REEP3: variants seen among roughly 807,000 people sequenced by gnomAD.
REEP3 encodes the protein receptor expression-enhancing protein 3.
A neutral mutation model predicts 41.3 loss-of-function variants in REEP3; 20 were observed. The ratio of observed to expected loss-of-function variants is 0.48; its 90% CI spans 0.34 to 0.70. REEP3 has a LOEUF of 0.70. Ranked by LOEUF, REEP3 falls within the 30% of genes least tolerant of loss-of-function variation. The probability of loss-of-function intolerance (pLI) is 0.01; values close to 1 mark genes in which losing one functional copy is unlikely to be tolerated. For missense variants in REEP3, 271 were observed against 308.8 expected, an observed-to-expected ratio of 0.88 and a Z score of 0.92; for synonymous variants, 104 against 101.8, an observed-to-expected ratio of 1.02 and a Z score of -0.13.
intron 1 of REEP3, among the ~76,000 whole-genome samples, chr10:63,543,452 T>C (rs938851831): frequency 8.6e-6 from 1 of 116,162 alleles, no homozygotes; most frequent in Non-Finnish European, 1.7e-5. Flanking sequence ...TGCACCACCA[T>C]GCCCCATTAA....
chr10:63,622,884 T>C lies in REEP3; in HGVS notation c.*2015T>C, dbSNP rs2133441955. On this transcript the variant is annotated 3_prime_UTR_variant, in exon 8 of 8. Coordinates refer to ENST00000373758, the MANE Select transcript of REEP3 (RefSeq NM_001001330.3). ...ACCACGCCCAGCTAATTTTTGTCTT[T>C]TTAGTAGAGACAGGGTTTAACCATG... The C allele has an allele frequency of 6.6e-6, 1 of 151,938 alleles. No individual in the cohort carries two copies. The allele number at this position is 151,938 out of a possible 1,614,324, so 9.4% of individuals were successfully genotyped here.
intron 6 of REEP3, among the ~76,000 whole-genome samples, chr10:63,617,928 G>A (rs1248673031): frequency 4.1e-5 from 6 of 146,330 alleles, no homozygotes; most frequent in African/African-American, 1.3e-4. Flanking sequence ...GGGTTCAAGC[G>A]ATTCTCCTGC....
intron 2 of REEP3, among the ~76,000 whole-genome samples, chr10:63,577,138 C>T (rs1589873491): frequency 6.6e-6 from 1 of 152,154 alleles, no homozygotes; most frequent in East Asian, 1.9e-4. Flanking sequence ...AAGACTCTTC[C>T]ATTCTGAAAG....
At chr10:63,580,534 TAAAAA>T (rs543624918) in intron 2 of REEP3, among the ~76,000 whole-genome samples, 314 of 151,946 alleles carry the variant, frequency 2.1e-3, no homozygotes, top group South Asian at 4.6e-3. Flanking sequence ...GAGCAAAAAA[TAAAAA>T]CAAAATCAGG....
At chr10:63,576,624 CTG>C in intron 2 of REEP3, among the ~76,000 whole-genome samples, 1 of 152,290 alleles carries the variant, frequency 6.6e-6, no homozygotes, top group Middle Eastern at 3.4e-3. Flanking sequence ...GGGTTTAGGA[CTG>C]TGTGTTAGTC....
chr10:63,598,927 AC>A (rs1956145250), intron 4 of REEP3, among the ~76,000 whole-genome samples: 2 of 152,216 alleles, frequency 1.3e-5, no homozygotes, highest in South Asian at 4.1e-4. Context: ...CCCCGTCTCT[AC>A]AAAAAAATTA....
intron 1 of REEP3, chr10:63,562,944 A>C (rs939650564): frequency 3.3e-5 from 15 of 456,452 alleles, no homozygotes; most frequent in Non-Finnish European, 6.6e-5. Context: ...AGGTGTGATT[A>C]AGTTCAAGTA....
intron 4 of REEP3, among the ~76,000 whole-genome samples, chr10:63,598,370 G>T (rs540795956): frequency 7.8e-4 from 116 of 148,890 alleles, no homozygotes; most frequent in Middle Eastern, 6.9e-3. Context: ...TGTAACCCCG[G>T]TTAGTCAGGA....
chr10:63,530,036 C>T (rs541191773), intron 1 of REEP3, among the ~76,000 whole-genome samples: 2 of 152,154 alleles, frequency 1.3e-5, no homozygotes, highest in Non-Finnish European at 1.5e-5. Context: ...GCCTTGGCCT[C>T]CTCAAGTGCT....
intron 2 of REEP3, among the ~76,000 whole-genome samples, chr10:63,593,744 G>T (rs1956087291): frequency 6.6e-6 from 1 of 152,182 alleles, no homozygotes; most frequent in Admixed American, 6.5e-5. Context: ...TCTATGAGAA[G>T]GATAGGTCCC....
chr10:63,615,869 A>G (rs927496458), intron 6 of REEP3, among the ~76,000 whole-genome samples: 6 of 152,154 alleles, frequency 3.9e-5, no homozygotes, highest in South Asian at 2.1e-4. Context: ...TCATTTCCCA[A>G]TAAATTCTAA....
At chr10:63,611,491 A>G (rs1956276965) in intron 6 of REEP3, among the ~76,000 whole-genome samples, 1 of 152,192 alleles carries the variant, frequency 6.6e-6, no homozygotes, top group Non-Finnish European at 1.5e-5. Context: ...ACTTTAAAAA[A>G]CTATCATGAT....
chr10:63,538,312 G>A (rs895686731), intron 1 of REEP3, among the ~76,000 whole-genome samples: 5 of 152,162 alleles, frequency 3.3e-5, no homozygotes, highest in African/African-American at 4.8e-5. Flanking sequence ...TAATTAGTAA[G>A]AAAATAACAT....
intron 2 of REEP3, among the ~76,000 whole-genome samples, chr10:63,592,328 C>T (rs561506563): frequency 5.3e-5 from 8 of 152,272 alleles, no homozygotes; most frequent in Non-Finnish European, 1.0e-4. Context: ...ATTTTCAAAC[C>T]CTTCTCATAG....
At chr10:63,544,228 C>G (rs998897780) in intron 1 of REEP3, among the ~76,000 whole-genome samples, 1 of 152,114 alleles carries the variant, frequency 6.6e-6, no homozygotes, top group Non-Finnish European at 1.5e-5. Flanking sequence ...CTGGAGAAGT[C>G]AAAGGAGTTA....
intron 5 of REEP3, among the ~76,000 whole-genome samples, chr10:63,601,802 T>C (rs1490977422): frequency 6.6e-6 from 1 of 151,990 alleles, no homozygotes. Context: ...GCACCTGTAG[T>C]CCCAGCTACT....
intron 2 of REEP3, among the ~76,000 whole-genome samples, chr10:63,586,982 ATG>A (rs963740885): frequency 3.6e-5 from 4 of 110,300 alleles, no homozygotes; most frequent in African/African-American, 1.4e-4. Context: ...ACGTTTATGC[ATG>A]TTTTTTTTTT....
intron 6 of REEP3, among the ~76,000 whole-genome samples, chr10:63,611,831 A>G (rs1250209678): frequency 6.6e-6 from 1 of 151,062 alleles, no homozygotes; most frequent in African/African-American, 2.4e-5. Flanking sequence ...TCACCGAGCT[A>G]CTTGGGAGGC....
intron 6 of REEP3, among the ~76,000 whole-genome samples, chr10:63,618,965 G>A (rs1265180916): frequency 2.6e-5 from 4 of 152,194 alleles, no homozygotes; most frequent in Non-Finnish European, 5.9e-5. Flanking sequence ...GCATACTCGC[G>A]TGATCTCTCA....
Sources: gnomAD v4.1 joint callset for allele counts (sites outside exome capture counted in the v4.1 genomes callset) on GRCh38, gnomAD v4.1.1 for gene constraint, MANE v1.5 for transcripts, NCBI Gene and HGNC (gene_info 2026-07-23, HGNC 2026-07-21) for gene names.